CFAP251: variants seen among roughly 807,000 people sequenced by gnomAD.
The protein encoded by CFAP251 is cilia and flagella associated protein 251, also known as cilia- and flagella-associated protein 251.
A neutral mutation model predicts 126.7 loss-of-function variants in CFAP251; 93 were observed. That is an observed-to-expected ratio of 0.73 (90% CI 0.62 to 0.87). The LOEUF is 0.87. CFAP251 is among the 40% of genes least tolerant of loss of function. The pLI is 0.00. For synonymous variants in CFAP251, 503 were observed against 506.9 expected, an observed-to-expected ratio of 0.99 and a Z score of 0.10; for missense variants, 1,287 against 1,389.2, an observed-to-expected ratio of 0.93 and a Z score of 1.17.
At chr12:121,938,020 T>A (rs1319048416) in intron 5 of CFAP251, among the ~76,000 whole-genome samples, 1 of 152,170 alleles carries the variant, frequency 6.6e-6, no homozygotes, top group African/African-American at 2.4e-5. Flanking sequence ...TTTTTGTTTT[T>A]GTGAGACAGG....
At chr12:121,960,036 G>A (rs532336752) in intron 13 of CFAP251, among the ~76,000 whole-genome samples, 29 of 152,184 alleles carry the variant, frequency 1.9e-4, no homozygotes, top group African/African-American at 6.7e-4. Flanking sequence ...AGGAGGCTGA[G>A]GCTGGAGGAT....
chr12:121,958,383 C>T lies in CFAP251; in HGVS notation c.1842C>T (p.Cys614=). The T allele has an allele frequency of 6.2e-7, 1 of 1,614,242 alleles. No homozygotes were observed. ...AGGATGCCATTTGTGCCATCTCCTGCCACCCATATCAACCCCTCATTGCCA... is the reference window on the plus strand; with the variant it reads ...AGGATGCCATTTGTGCCATCTCCTGTCACCCATATCAACCCCTCATTGCCA... ...EPKDAICAIS[C]HPYQPLIAIG... is the part of the protein sequence containing the mutation. The change falls in exon 12 of 22, where the codon TGC becomes TGT. Residue 614 remains cysteine, a synonymous_variant. Coordinates refer to ENST00000288912, the MANE Select transcript of CFAP251 (RefSeq NM_144668.6).
intron 2 of CFAP251, among the ~76,000 whole-genome samples, chr12:121,922,632 C>G (rs1295148097): frequency 1.3e-5 from 2 of 152,146 alleles, no homozygotes; most frequent in East Asian, 3.9e-4. Context: ...GAGAACTTAG[C>G]TGTGGCCTAA....
rs1882418979 is a variant in CFAP251 at position 121,974,925 on chromosome 12, CA to C, written c.2772-318del. Among the ~76,000 whole-genome samples the C allele has an allele frequency of 6.6e-6, 1 of 152,086 alleles. No individual in the cohort carries two copies. Among genetic ancestry groups the C allele is most frequent in the Non-Finnish European group, 1.5e-5 (1 of 68,004 alleles). On this transcript the variant is annotated intron_variant, in intron 17 of 21. Transcript: ENST00000288912. The surrounding 1 kb of genome is among the most constrained non-coding windows in gnomAD (Gnocchi z 4.6). ...CTGGGAGGATTGTGGTTTCAGAACA[CA>C]GGATGCCTCCCCCACCCCCAGGAGA... is the stretch of plus-strand genomic sequence containing the variant.
chr12:121,941,687 G>A (rs1038782721), intron 5 of CFAP251, among the ~76,000 whole-genome samples: 2 of 152,022 alleles, frequency 1.3e-5, no homozygotes, highest in Admixed American at 1.3e-4. Context: ...ATTCATGTAT[G>A]GTATATTAAG....
rs756144928 is a variant in CFAP251, at chr12:121,918,887, C to T, written c.-21+192C>T. Among the ~76,000 whole-genome samples, 1 of 152,120 alleles carries T rather than the reference C, an allele frequency of 6.6e-6. No homozygotes were observed. The highest frequency in any genetic ancestry group is 1.5e-5 in the Non-Finnish European group (1 of 68,020). ...GCTTTAATCCCCTCGCAGAGCCACG[C>T]ACCTGGCACCCCTGCCCCAAACCCC... On this transcript the variant is annotated intron_variant, in intron 1 of 21. Coordinates refer to ENST00000288912, the MANE Select transcript of CFAP251 (RefSeq NM_144668.6). This position sits in a 1 kb window ranked among gnomAD's most constrained non-coding sequence, Gnocchi z 4.3.
chr12:121,962,819 G>A (rs183300527), intron 15 of CFAP251, among the ~76,000 whole-genome samples: 1 of 152,228 alleles, frequency 6.6e-6, no homozygotes, highest in African/African-American at 2.4e-5. Flanking sequence ...AGGGGGAAGC[G>A]AGGGGCTGCT....
At chr12:121,951,872 C>T (rs1881540634) in intron 9 of CFAP251, among the ~76,000 whole-genome samples, 1 of 151,932 alleles carries the variant, frequency 6.6e-6, no homozygotes, top group Non-Finnish European at 1.5e-5. Context: ...GCGCCTGCCA[C>T]CACGCCCGGC....
rs1310901146 is a variant in CFAP251, at chr12:121,935,898, T to C, written c.998+1542T>C. On this transcript the variant is annotated intron_variant, in intron 5 of 21. Transcript: ENST00000288912. The stretch of plus-strand genomic sequence containing the variant: ...CAGACTGAATGGAGAGTCTCTCTGG[T>C]ATCAAGGTTGTCATCCGGTATTGCC... Among the ~76,000 whole-genome samples, 3 of 152,302 alleles carry C rather than the reference T, an allele frequency of 2.0e-5. No homozygotes were observed. In the East Asian group the frequency reaches 5.8e-4, roughly 29 times the overall value.
In CFAP251 at chr12:121,989,638, A is replaced by C. The variant is rs1882829566; in HGVS notation, c.3007-10078A>C. Among the ~76,000 whole-genome samples the C allele has an allele frequency of 6.6e-6, 1 of 152,176 alleles. No homozygotes were observed. Among genetic ancestry groups the C allele is most frequent in the South Asian group, 2.1e-4 (1 of 4,824 alleles). On this transcript the variant is annotated intron_variant, in intron 19 of 21. Coordinates refer to ENST00000288912, the MANE Select transcript of CFAP251 (RefSeq NM_144668.6). The surrounding 1 kb of genome is among the most constrained non-coding windows in gnomAD (Gnocchi z 4.2). ...GGTGACCAGGGGAGGGTATGAGTGA[A>C]GATGATGAGTGGGAACAAGACACTG...
At chr12:121,933,992 C>T (rs895862736) in intron 4 of CFAP251, among the ~76,000 whole-genome samples, 3 of 152,074 alleles carry the variant, frequency 2.0e-5, no homozygotes, top group African/African-American at 7.2e-5. Context: ...TGGGAGTTGC[C>T]GCTTGCCTTC....
intron 5 of CFAP251, 129 bp downstream of exon 5, chr12:121,934,485 C>A: frequency 1.5e-6 from 1 of 653,772 alleles, no homozygotes; most frequent in Non-Finnish European, 2.6e-6. Flanking sequence ...AGTAGACTGG[C>A]TTATGCTGAC....
intron 21 of CFAP251, among the ~76,000 whole-genome samples, 183 bp from the exon 22 acceptor site, chr12:122,003,469 A>C (rs904258239): frequency 6.6e-6 from 1 of 152,084 alleles, no homozygotes; most frequent in East Asian, 1.9e-4. Flanking sequence ...GCTACTTGGG[A>C]GGCTGAGGTG....
chr12:121,934,796 C>T (rs1359502423), intron 5 of CFAP251, among the ~76,000 whole-genome samples: 1 of 152,188 alleles, frequency 6.6e-6, no homozygotes, highest in African/African-American at 2.4e-5. Context: ...ATTCTAACAA[C>T]CCACCATTGC....
intron 4 of CFAP251, chr12:121,932,518 C>T (rs1880734376): frequency 6.5e-6 from 1 of 152,730 alleles, no homozygotes; most frequent in Non-Finnish European, 1.5e-5. Context: ...AGCACTCTGC[C>T]TCCTTTGTTC....
chr12:121,950,414 C>T (rs1036057884), intron 8 of CFAP251: 9 of 152,046 alleles, frequency 5.9e-5, no homozygotes, highest in African/African-American at 1.2e-4. Flanking sequence ...TATGAAACAC[C>T]GCTGAATTGC....
rs11324705 is a variant in CFAP251 at position 121,952,420 on chromosome 12, T to TA, written c.1320+904dup. 9.0e-4 allele frequency among the ~76,000 whole-genome samples: 132 copies of TA among 146,728 alleles called. 1 individual carries two copies. Among genetic ancestry groups the TA allele is most frequent in the African/African-American group, 1.7e-3 (65 of 39,054 alleles). On this transcript the variant is annotated intron_variant, in intron 9 of 21. Transcript: ENST00000288912. ...GGGCAACAGAACAAGACCCTGTATA[T>TA]AAAAAAAAAAAAAATGAATGAAACA...
In CFAP251 at chr12:121,989,073, G is replaced by A. The variant is rs1882816253; in HGVS notation, c.3007-10643G>A. ...TCACTTGAGCTAGGAACCATCTGGG[G>A]CTTTAGGGTGCATGAGGCAGGATCA... On this transcript the variant is annotated intron_variant, in intron 19 of 21. Transcript: ENST00000288912. This position sits in a 1 kb window ranked among gnomAD's most constrained non-coding sequence, Gnocchi z 4.2. Among the ~76,000 whole-genome samples the A allele has an allele frequency of 6.6e-6, 1 of 152,130 alleles. No homozygotes were observed. Among genetic ancestry groups the A allele is most frequent in the Non-Finnish European group, 1.5e-5 (1 of 68,028 alleles).
At chr12:121,991,681 T>G (rs573179054) in intron 19 of CFAP251, among the ~76,000 whole-genome samples, 1 of 151,516 alleles carries the variant, frequency 6.6e-6, no homozygotes, top group East Asian at 1.9e-4. Context: ...TTCCAAAAAT[T>G]TGGTCCCCAG....
Sources: gnomAD v4.1 joint callset for allele counts (sites outside exome capture counted in the v4.1 genomes callset) on GRCh38, gnomAD v4.1.1 for gene constraint, Gnocchi (gnomAD v3.1) non-coding constraint, MANE v1.5 for transcripts, NCBI Gene and HGNC (gene_info 2026-07-23, HGNC 2026-07-21) for gene names.